COLGALT2: variants seen among roughly 807,000 people sequenced by gnomAD.
The protein encoded by COLGALT2 is collagen beta(1-O)galactosyltransferase 2, also known as procollagen galactosyltransferase 2.
A neutral mutation model predicts 73.4 loss-of-function variants in COLGALT2; 49 were observed. The observed-to-expected ratio is 0.67, with a 90% CI of 0.53 to 0.85. The LOEUF (loss-of-function observed/expected upper bound fraction) is 0.85. COLGALT2 is among the 40% of genes least tolerant of loss of function. The probability of loss-of-function intolerance (pLI) is 0.00; values close to 1 mark genes in which losing one functional copy is unlikely to be tolerated. For synonymous variants in COLGALT2, 295 were observed against 307.6 expected, an observed-to-expected ratio of 0.96 and a Z score of 0.43; for missense variants, 722 against 790.2, an observed-to-expected ratio of 0.91 and a Z score of 1.03.
intron 4 of COLGALT2, among the ~76,000 whole-genome samples, chr1:183,970,977 T>G (rs1446813078): frequency 1.3e-5 from 2 of 152,170 alleles, no homozygotes; most frequent in African/African-American, 4.8e-5. Context: ...CTAGATTACT[T>G]AGGAACAATA....
At chr1:183,944,099 C>A (rs1381200743) in intron 10 of COLGALT2, 97 bp downstream of exon 10, 2 of 1,335,926 alleles carry the variant, frequency 1.5e-6, no homozygotes, top group Non-Finnish European at 2.0e-6. Flanking sequence ...GAAGCTTAAG[C>A]TGTATCTCCT....
At chr1:184,020,594 C>G (rs913553661) in intron 1 of COLGALT2, among the ~76,000 whole-genome samples, 1 of 152,174 alleles carries the variant, frequency 6.6e-6, no homozygotes, top group African/African-American at 2.4e-5. Context: ...TCTCAAAAAG[C>G]CTTTCTCTGA....
chr1:183,985,150 T>C (rs1016797901), intron 1 of COLGALT2, among the ~76,000 whole-genome samples: 1 of 152,226 alleles, frequency 6.6e-6, no homozygotes, highest in Admixed American at 6.5e-5. Flanking sequence ...TTTTGACAAG[T>C]CCTACTGAGG....
chr1:183,989,499 G>T (rs1054264273), intron 1 of COLGALT2, among the ~76,000 whole-genome samples: 1 of 152,190 alleles, frequency 6.6e-6, no homozygotes, highest in Admixed American at 6.5e-5. Flanking sequence ...CTCTGGAGGA[G>T]AACTGGCTGA....
At chr1:183,977,612 C>A (rs545681337) in intron 2 of COLGALT2, among the ~76,000 whole-genome samples, 1 of 152,068 alleles carries the variant, frequency 6.6e-6, no homozygotes, top group East Asian at 1.9e-4. Context: ...ATGGTGAGAT[C>A]ATGTCTCTAC....
At chr1:183,940,045 T>C (rs1291658115) in intron 11 of COLGALT2, among the ~76,000 whole-genome samples, 1 of 152,228 alleles carries the variant, frequency 6.6e-6, no homozygotes. Flanking sequence ...ACTGCCCTTC[T>C]TCCATGGACA....
At chr1:183,982,059 T>C (rs1671366572) in intron 1 of COLGALT2, among the ~76,000 whole-genome samples, 1 of 152,208 alleles carries the variant, frequency 6.6e-6, no homozygotes, top group Non-Finnish European at 1.5e-5. Context: ...AATGGCCAAC[T>C]TGATCTACTT....
At chr1:183,956,770 G>A (rs1316123120) in intron 6 of COLGALT2, among the ~76,000 whole-genome samples, 4 of 152,132 alleles carry the variant, frequency 2.6e-5, no homozygotes, top group African/African-American at 9.7e-5. Flanking sequence ...GTTGGCTCCC[G>A]AAAGTCATCA....
intron 1 of COLGALT2, among the ~76,000 whole-genome samples, chr1:184,001,251 TAC>T (rs1266935417): frequency 1.1e-4 from 16 of 152,174 alleles, no homozygotes; most frequent in Non-Finnish European, 1.5e-5. Flanking sequence ...AAAGGTCTTC[TAC>T]TTTTTTAAAA....
intron 8 of COLGALT2, among the ~76,000 whole-genome samples, chr1:183,947,650 A>G (rs1489338278): frequency 6.6e-6 from 1 of 152,202 alleles, no homozygotes; most frequent in Non-Finnish European, 1.5e-5. Context: ...AAAATAGAAT[A>G]TCTCAAATAA....
At chr1:183,986,691 T>C (rs1258166393) in intron 1 of COLGALT2, among the ~76,000 whole-genome samples, 3 of 152,226 alleles carry the variant, frequency 2.0e-5, no homozygotes, top group Non-Finnish European at 2.9e-5. Flanking sequence ...TTTTCTTCTC[T>C]TTGTGTTAAG....
intron 1 of COLGALT2, among the ~76,000 whole-genome samples, chr1:184,014,601 C>T (rs1358674079): frequency 6.6e-6 from 1 of 152,156 alleles, no homozygotes; most frequent in Non-Finnish European, 1.5e-5. Flanking sequence ...CACTGTGCCT[C>T]ATTCTCTGTT....
intron 1 of COLGALT2, among the ~76,000 whole-genome samples, chr1:184,036,852 G>T (rs1649696120): frequency 6.6e-6 from 1 of 152,178 alleles, no homozygotes; most frequent in African/African-American, 2.4e-5. Flanking sequence ...GAGCTCCAGC[G>T]GTCCGGTTCT....
intron 1 of COLGALT2, among the ~76,000 whole-genome samples, chr1:184,020,562 C>T (rs1572682160): frequency 6.6e-6 from 1 of 152,250 alleles, no homozygotes; most frequent in South Asian, 2.1e-4. Flanking sequence ...ATCATTCAGG[C>T]CTTGGGGCTC....
At chr1:184,011,247 C>A (rs774542508) in intron 1 of COLGALT2, among the ~76,000 whole-genome samples, 3 of 152,152 alleles carry the variant, frequency 2.0e-5, no homozygotes, top group African/African-American at 7.2e-5. Context: ...AATGCTAGCT[C>A]GCAGGTGCCA....
chr1:183,935,123 C>T (rs1669921898), downstream of COLGALT2, among the ~76,000 whole-genome samples: 1 of 152,184 alleles, frequency 6.6e-6, no homozygotes, highest in East Asian at 1.9e-4. Context: ...TGTGCCCAGC[C>T]CTCCTCCCTC....
At position 183,935,867 on chromosome 1, in the gene COLGALT2, G is replaced by C; in HGVS notation, c.*2894C>G. 2.0e-6 allele frequency: 2 copies of C among 985,412 alleles called. No homozygotes were observed. The highest frequency in any genetic ancestry group is 2.4e-6 in the Non-Finnish European group (2 of 829,942). 61.0% of individuals were successfully genotyped at this position (985,412 alleles called of 1,614,324 possible). A position where few individuals can be genotyped will look rare whatever the true frequency, so the allele number is the denominator to read the frequency against. ...AAGTTTTTTTTTAATTTTTCACAAA[G>C]AGCTCCAGAAGGCAAATAGTTTATC... is the stretch of plus-strand genomic sequence containing the variant. On this transcript the variant is annotated 3_prime_UTR_variant, in exon 12 of 12. Coordinates refer to ENST00000361927, the MANE Select transcript of COLGALT2 (RefSeq NM_015101.4).
Position 183,938,472 on chromosome 1 carries a change from T to C in COLGALT2, c.*289A>G. ...TGTTCAACCTTAATGTGGGAATCAGTATCACATGAGTAGTGAACTGAAGAA... is the reference window on the plus strand; with the variant it reads ...TGTTCAACCTTAATGTGGGAATCAGCATCACATGAGTAGTGAACTGAAGAA... On this transcript the variant is annotated 3_prime_UTR_variant, in exon 12 of 12. Coordinates refer to ENST00000361927, the MANE Select transcript of COLGALT2 (RefSeq NM_015101.4). 8.0e-7 allele frequency: 1 copy of C among 1,243,702 alleles called. No individual in the cohort carries two copies. The highest frequency in any genetic ancestry group is 1.0e-6 in the Non-Finnish European group (1 of 986,632). The allele number at this position is 1,243,702 out of a possible 1,614,324, so 77.0% of individuals were successfully genotyped here. A position where few individuals can be genotyped will look rare whatever the true frequency, so the allele number is the denominator to read the frequency against.
chr1:183,996,752 G>A (rs780146371), intron 1 of COLGALT2, among the ~76,000 whole-genome samples: 2 of 152,154 alleles, frequency 1.3e-5, no homozygotes, highest in Non-Finnish European at 2.9e-5. Flanking sequence ...AATACCTACT[G>A]ACAGAAACTG....
Sources: allele counts gnomAD v4.1 joint callset (sites outside exome capture counted in the v4.1 genomes callset), GRCh38; gene constraint gnomAD v4.1.1; transcripts MANE v1.5; gene names NCBI Gene and HGNC (gene_info 2026-07-23, HGNC 2026-07-21).